CDKL5: variants seen among roughly 807,000 people sequenced by gnomAD.
CDKL5 encodes cyclin dependent kinase like 5, also known as cyclin-dependent kinase-like 5.
In CDKL5, 8 loss-of-function variants were observed where a neutral mutation model predicts 61.7. The ratio of observed to expected loss-of-function variants is 0.13; its 90% CI spans 0.08 to 0.23. The LOEUF (loss-of-function observed/expected upper bound fraction) is 0.23, where lower values mean the gene tolerates loss of function less well. Among genes scored for constraint, CDKL5 ranks in the 10% least tolerant of loss-of-function variants. CDKL5 has a pLI of 1.00. For synonymous variants in CDKL5, 275 were observed against 272.3 expected (o/e 1.01, Z -0.10); for missense variants, 440 against 734.5 (o/e 0.60, Z 4.63).
intron 1 of CDKL5, among the ~76,000 whole-genome samples, chrX:18,459,966 G>C (rs1488297969): frequency 9.1e-6 from 1 of 109,445 alleles, no homozygotes; most frequent in East Asian, 2.9e-4. Context: ...TCTGCCTCCT[G>C]GGTTCAAGCG....
At chrX:18,435,708 A>G (rs1931595433) in intron 1 of CDKL5, among the ~76,000 whole-genome samples, 1 of 111,625 alleles carries the variant, frequency 9.0e-6, no homozygotes, top group African/African-American at 3.3e-5. Flanking sequence ...CTGGGACTAC[A>G]GGTGCGTGCC....
intron 1 of CDKL5, among the ~76,000 whole-genome samples, chrX:18,449,937 G>A (rs1359684216): frequency 1.8e-5 from 2 of 111,039 alleles, no homozygotes; most frequent in Non-Finnish European, 1.9e-5. Context: ...TGGGACTACC[G>A]GCGCATGCCA....
At chrX:18,649,027 G>A (rs1271016551) in intron 20 of CDKL5, among the ~76,000 whole-genome samples, 2 of 96,856 alleles carry the variant, frequency 2.1e-5, no homozygotes, top group Non-Finnish European at 4.1e-5. Flanking sequence ...CAGCCTGGGT[G>A]ATAGACACTG....
intron 1 of CDKL5, among the ~76,000 whole-genome samples, chrX:18,431,444 C>T (rs371368259): frequency 3.1e-5 from 3 of 97,863 alleles, no homozygotes; most frequent in South Asian, 4.9e-4. Context: ...TTTTTTGAGA[C>T]GGAGTCTCGC....
At chrX:18,531,707 C>CT (rs1196648656) in intron 3 of CDKL5, among the ~76,000 whole-genome samples, 32 of 104,045 alleles carry the variant, frequency 3.1e-4, no homozygotes, top group Admixed American at 4.1e-4. Flanking sequence ...TTTCTTTTTT[C>CT]TTTTTTTTTT....
intron 1 of CDKL5, among the ~76,000 whole-genome samples, chrX:18,462,567 T>C (rs190990233): frequency 1.3e-4 from 15 of 111,551 alleles, no homozygotes; most frequent in Admixed American, 1.1e-3. Context: ...AGGGAAGTTA[T>C]GAGAACAAGA....
intron 10 of CDKL5, among the ~76,000 whole-genome samples, chrX:18,596,473 AAATTT>A (rs1925999171): frequency 1.8e-5 from 2 of 112,203 alleles, no homozygotes; most frequent in Non-Finnish European, 3.8e-5. Context: ...AATATTTTCC[AAATTT>A]AATTAAATAC....
chrX:18,456,159 C>T (rs1333922461), intron 1 of CDKL5, among the ~76,000 whole-genome samples: 1 of 109,593 alleles, frequency 9.1e-6, no homozygotes, highest in Non-Finnish European at 1.9e-5. Flanking sequence ...CCTGCCACAG[C>T]CTCCTGAGTA....
At chrX:18,514,420 T>C (rs1366528911) in intron 3 of CDKL5, among the ~76,000 whole-genome samples, 1 of 111,592 alleles carries the variant, frequency 9.0e-6, no homozygotes, top group African/African-American at 3.2e-5. Context: ...TTGAAAGATG[T>C]TCTAGGCTGG....
At chrX:18,602,415 C>T (rs1315454668) in intron 11 of CDKL5, among the ~76,000 whole-genome samples, 1 of 111,994 alleles carries the variant, frequency 8.9e-6, no homozygotes, top group Non-Finnish European at 1.9e-5. Flanking sequence ...TGGGGATAGA[C>T]TCTGTTAATA....
At chrX:18,622,424 C>T (rs1926915079) in intron 16 of CDKL5, among the ~76,000 whole-genome samples, 1 of 112,090 alleles carries the variant, frequency 8.9e-6, no homozygotes, top group Admixed American at 9.5e-5. Context: ...GCGCTCAGTA[C>T]AGCCTTCCAA....
chrX:18,635,550 G>T lies in CDKL5; in HGVS notation c.*6793G>T, dbSNP rs1371551217. 4 of 750,084 alleles carry T rather than the reference G, an allele frequency of 5.3e-6. No homozygotes were observed. Among genetic ancestry groups the T allele is most frequent in the Non-Finnish European group, 6.3e-6 (4 of 636,477 alleles). The allele number at this position is 750,084 out of a possible 1,213,427, so 61.8% of individuals were successfully genotyped here. A position where few individuals can be genotyped will look rare whatever the true frequency, so the allele number is the denominator to read the frequency against. The stretch of plus-strand genomic sequence containing the variant: ...TTGAGGTTGTAATCAGTTTGAGACA[G>T]AAATTAATGTAAAACTAGGCAAATC... On this transcript the variant is annotated 3_prime_UTR_variant, in exon 18 of 18. Transcript: ENST00000623535.
intron 20 of CDKL5, among the ~76,000 whole-genome samples, chrX:18,646,953 G>A (rs754903011): frequency 1.8e-5 from 2 of 110,763 alleles, no homozygotes; most frequent in East Asian, 2.8e-4. Flanking sequence ...GTCTCACTCT[G>A]TCGCCCAGGC....
intron 9 of CDKL5, among the ~76,000 whole-genome samples, chrX:18,592,292 C>T (rs1424006778): frequency 2.7e-5 from 3 of 112,504 alleles, no homozygotes; most frequent in Non-Finnish European, 3.8e-5. Flanking sequence ...CCTCATTGTA[C>T]GGTTTTCTAA....
chrX:18,438,471 G>A (rs1006244660), intron 1 of CDKL5, among the ~76,000 whole-genome samples: 4 of 110,284 alleles, frequency 3.6e-5, no homozygotes, highest in African/African-American at 6.6e-5. Flanking sequence ...GCAGGTAAAG[G>A]GTTTACAGGC....
chrX:18,442,287 C>A (rs1931763076), intron 1 of CDKL5: 1 of 110,486 alleles, frequency 9.1e-6, no homozygotes, highest in South Asian at 3.9e-4. Context: ...TTTCTGTGAC[C>A]CCCAGTGGTT....
At position 18,604,503 on chromosome X, in the gene CDKL5, C is replaced by T. The variant is rs1275389347; in HGVS notation, c.1579C>T (p.Pro527Ser). The T allele has an allele frequency of 1.2e-5, 15 of 1,209,798 alleles. No homozygotes were observed. Among genetic ancestry groups the T allele is most frequent in the African/African-American group, 3.5e-5 (2 of 57,050 alleles). Residue 527 changes from proline to serine, a missense_variant, in exon 12 of 18, where the codon CCC becomes TCC. Physicochemically the swap from Pro to Ser is moderately conservative, Grantham distance 74. Around this residue, in one of 2 missense-constraint regions of CDKL5, gnomAD observed 363 missense variants for 516.3 expected, o/e 0.70. Coordinates refer to ENST00000623535, the MANE Select transcript of CDKL5 (RefSeq NM_001323289.2). ...ATCTAGCTGCTTAGACTTGAATTCT[C>T]CCACCAGCCCAACCCCCACCAGACA... ...FPSSCLDLNSPTSPTPTRHSD... is the reference protein window; with the variant it reads ...FPSSCLDLNSSTSPTPTRHSD...
At chrX:18,580,919 T>A (rs1163637966) in intron 6 of CDKL5, among the ~76,000 whole-genome samples, 1 of 111,695 alleles carries the variant, frequency 9.0e-6, no homozygotes, top group Non-Finnish European at 1.9e-5. Flanking sequence ...TGCATTTGAC[T>A]CTCATAGCAG....
chrX:18,477,809 T>C (rs1921375944), intron 1 of CDKL5, among the ~76,000 whole-genome samples: 1 of 112,503 alleles, frequency 8.9e-6, no homozygotes, highest in Non-Finnish European at 1.9e-5. Flanking sequence ...ATGATAACTT[T>C]ATATAATTTC....
Sources: gnomAD v4.1 joint callset for allele counts (sites outside exome capture counted in the v4.1 genomes callset) on GRCh38, gnomAD v4.1.1 for gene constraint, gnomAD v4.1.1 regional missense constraint, MANE v1.5 for transcripts, NCBI Gene and HGNC (gene_info 2026-07-23, HGNC 2026-07-21) for gene names.